BMPR2: variants seen among roughly 807,000 people sequenced by gnomAD.
BMPR2 encodes the protein bone morphogenetic protein receptor type 2.
Under a neutral mutation model 100.8 loss-of-function variants are expected in BMPR2, and 29 were observed. The ratio of observed to expected loss-of-function variants is 0.29; its 90% CI spans 0.21 to 0.39. The LOEUF is 0.39. Ranked by LOEUF, BMPR2 falls within the 10% of genes least tolerant of loss-of-function variation. BMPR2 has a pLI of 1.00. For synonymous variants in BMPR2, 382 were observed against 442.3 expected (o/e 0.86, Z 1.71); for missense variants, 1,011 against 1,274.5 (o/e 0.79, Z 3.15).
chr2:202,501,117 G>C (rs1404481891), intron 3 of BMPR2, among the ~76,000 whole-genome samples: 3 of 152,160 alleles, frequency 2.0e-5, no homozygotes, highest in Non-Finnish European at 4.4e-5. Flanking sequence ...GCTAATCAAG[G>C]GTACAAGGTG....
At chr2:202,390,039 A>G (rs1416103950) in intron 1 of BMPR2, among the ~76,000 whole-genome samples, 2 of 151,564 alleles carry the variant, frequency 1.3e-5, no homozygotes, top group Non-Finnish European at 2.9e-5. Context: ...CCTTAATCCC[A>G]TTTCCTGGAT....
intron 1 of BMPR2, among the ~76,000 whole-genome samples, chr2:202,448,434 G>A (rs1416376464): frequency 6.8e-6 from 1 of 147,450 alleles, no homozygotes; most frequent in Non-Finnish European, 1.5e-5. Context: ...GCGACAGAAG[G>A]AGACTCCGTC....
At position 202,433,341 on chromosome 2, in the gene BMPR2, GA is replaced by G. The variant is rs1281996376; in HGVS notation, c.77-31462del. On this transcript the variant is annotated intron_variant, in intron 1 of 12. Coordinates refer to ENST00000374580, the MANE Select transcript of BMPR2 (RefSeq NM_001204.7). ...AAAGTTCATGGAAAATGCATATTAT[GA>G]AAAAACTCTGCATGTTTTTCAAAAA... is the stretch of plus-strand genomic sequence containing the variant. 1.3e-5 allele frequency among the ~76,000 whole-genome samples: 2 copies of G among 150,384 alleles called. 1 individual carries two copies. The highest frequency in any genetic ancestry group is 1.3e-4 in the Admixed American group (2 of 15,184).
chr2:202,547,403 T>A (rs1688394234), intron 10 of BMPR2, among the ~76,000 whole-genome samples: 1 of 152,184 alleles, frequency 6.6e-6, no homozygotes, highest in Non-Finnish European at 1.5e-5. Context: ...TTAAAATCAC[T>A]TGCCTGGCTT....
intron 1 of BMPR2, among the ~76,000 whole-genome samples, chr2:202,453,691 C>A (rs1384290380): frequency 1.3e-5 from 2 of 151,920 alleles, no homozygotes; most frequent in African/African-American, 4.8e-5. Flanking sequence ...AAGGACAGGG[C>A]AGAAGTGGGG....
At chr2:202,436,411 A>C (rs1691615805) in intron 1 of BMPR2, among the ~76,000 whole-genome samples, 2 of 150,022 alleles carry the variant, frequency 1.3e-5, no homozygotes, top group African/African-American at 5.1e-5. Context: ...GTGCTACCGC[A>C]CTCCAGCCTG....
In BMPR2 at chr2:202,376,542, G is replaced by GGCGGCGGCGGCGGCGGCGGCA. The variant is rs771255805; in HGVS notation, c.-928_-927insGGCGGCGGCGGCGGCAGCGGC. On this transcript the variant is annotated 5_prime_UTR_variant, in exon 1 of 13. Coordinates refer to ENST00000374580, the MANE Select transcript of BMPR2 (RefSeq NM_001204.7). ...CGGCGGCGGCGGCGGCGGCGGCGGCGGCGGCAGCAGCAGCGGCTTCCTCGG... is the reference window on the plus strand; with the variant it reads ...CGGCGGCGGCGGCGGCGGCGGCGGCGGCGGCGGCGGCGGCGGCGGCAGCGGCAGCAGCAGCGGCTTCCTCGG... Among the ~76,000 whole-genome samples, 1 of 141,414 alleles carries GGCGGCGGCGGCGGCGGCGGCA rather than the reference G, an allele frequency of 7.1e-6. No homozygotes were observed. The allele number at this position is 141,414 out of a possible 152,430, so 92.8% of individuals were successfully genotyped here.
intron 7 of BMPR2, among the ~76,000 whole-genome samples, chr2:202,523,360 C>T (rs1687852834): frequency 6.6e-6 from 1 of 152,164 alleles, no homozygotes; most frequent in Non-Finnish European, 1.5e-5. Context: ...TACCATTTGA[C>T]CCAGCAATCC....
intron 1 of BMPR2, among the ~76,000 whole-genome samples, chr2:202,392,210 A>G (rs537357032): frequency 2.2e-4 from 34 of 151,982 alleles, no homozygotes; most frequent in Non-Finnish European, 4.6e-4. Context: ...AGCTGGGATT[A>G]AAGCGCCTGC....
At chr2:202,461,092 C>T (rs1692215982) in intron 1 of BMPR2, among the ~76,000 whole-genome samples, 1 of 152,124 alleles carries the variant, frequency 6.6e-6, no homozygotes, top group East Asian at 1.9e-4. Context: ...AGTCCTTCTG[C>T]CTCAGCCTCC....
intron 1 of BMPR2, among the ~76,000 whole-genome samples, chr2:202,399,258 G>C (rs535745914): frequency 6.6e-6 from 1 of 152,318 alleles, no homozygotes; most frequent in East Asian, 1.9e-4. Context: ...GATAAAGGGG[G>C]TCAGTGAAGC....
At chr2:202,485,545 C>CTTTTCTTTTTTTTT (rs1692756804) in intron 3 of BMPR2, among the ~76,000 whole-genome samples, 1 of 64,010 alleles carries the variant, frequency 1.6e-5, no homozygotes, top group Non-Finnish European at 2.7e-5. Context: ...TTGCCTTTAT[C>CTTTTCTTTTTTTTT]TTTTTTTTTT....
chr2:202,414,812 T>C (rs1337582662), intron 1 of BMPR2, among the ~76,000 whole-genome samples: 1 of 152,098 alleles, frequency 6.6e-6, no homozygotes, highest in Non-Finnish European at 1.5e-5. Context: ...CAATCTTGGC[T>C]CACTGCAGCC....
At chr2:202,513,162 C>T (rs1687654811) in intron 3 of BMPR2, among the ~76,000 whole-genome samples, 1 of 151,580 alleles carries the variant, frequency 6.6e-6, no homozygotes, top group Admixed American at 6.6e-5. Flanking sequence ...TAATGTCTGG[C>T]ATTTTGCTAT....
At position 202,559,611 on chromosome 2, in the gene BMPR2, G is replaced by A. The variant is rs535055401; in HGVS notation, c.2867-85G>A. ...TCATTAGCACCCTCCTGAGACATTG[G>A]TTTGACCTTTTCTTGAGTTACATCC... On this transcript the variant is annotated intron_variant, in intron 12 of 12. Transcript: ENST00000374580. The A allele has an allele frequency of 1.8e-4, 263 of 1,438,060 alleles. 1 individual carries two copies. The African/African-American group carries it at 3.3e-3, about 18-fold the overall frequency. 89.1% of individuals were successfully genotyped at this position (1,438,060 alleles called of 1,614,324 possible). A position where few individuals can be genotyped will look rare whatever the true frequency, so the allele number is the denominator to read the frequency against.
chr2:202,523,055 T>C (rs1381270538), intron 7 of BMPR2, among the ~76,000 whole-genome samples: 1 of 152,132 alleles, frequency 6.6e-6, no homozygotes, highest in African/African-American at 2.4e-5. Context: ...AATAGCCACA[T>C]TGAAAAGTGG....
At chr2:202,465,017 T>C (rs1320934291) in intron 2 of BMPR2, 38 bp downstream of exon 2, 11 of 1,606,154 alleles carry the variant, frequency 6.8e-6, no homozygotes, top group Non-Finnish European at 9.4e-6. Flanking sequence ...GACTGTGTTT[T>C]ATACAATTGA....
rs535683558 is a variant in BMPR2, at chr2:202,529,713, T to G, written c.968-1081T>G. On this transcript the variant is annotated intron_variant, in intron 7 of 12. Coordinates refer to ENST00000374580, the MANE Select transcript of BMPR2 (RefSeq NM_001204.7). ...CTTCAAATTGTACTGTTGCTTAATTTTTTTAAATCAATGATTATTATAATT... is the reference window on the plus strand; with the variant it reads ...CTTCAAATTGTACTGTTGCTTAATTGTTTTAAATCAATGATTATTATAATT... Among the ~76,000 whole-genome samples the G allele has an allele frequency of 9.1e-4, 138 of 152,282 alleles. 1 individual carries two copies. The highest frequency in any genetic ancestry group is 3.1e-3 in the African/African-American group (129 of 41,574).
chr2:202,488,416 CTG>C (rs1384955708), intron 3 of BMPR2, among the ~76,000 whole-genome samples: 14 of 152,124 alleles, frequency 9.2e-5, no homozygotes, highest in Admixed American at 9.2e-4. Context: ...CACCCTTAGA[CTG>C]TTTTTTAAAA....
Sources: allele counts gnomAD v4.1 joint callset (sites outside exome capture counted in the v4.1 genomes callset), GRCh38; gene constraint gnomAD v4.1.1; transcripts MANE v1.5; gene names NCBI Gene and HGNC (gene_info 2026-07-23, HGNC 2026-07-21).